KIF1B: variants seen among roughly 807,000 people sequenced by gnomAD.
KIF1B encodes kinesin family member 1B, also known as kinesin-like protein KIF1B.
In KIF1B, 76 loss-of-function variants were observed where a neutral mutation model predicts 241.9. That is an observed-to-expected ratio of 0.31 (90% CI 0.26 to 0.38). The LOEUF (loss-of-function observed/expected upper bound fraction) is 0.38, where lower values mean the gene tolerates loss of function less well. Ranked by LOEUF, KIF1B falls within the 10% of genes least tolerant of loss-of-function variation. The pLI is 1.00. For missense variants in KIF1B, 1,622 were observed against 2,271.4 expected, an observed-to-expected ratio of 0.71 and a Z score of 5.81; for synonymous variants, 750 against 796.7, an observed-to-expected ratio of 0.94 and a Z score of 0.99.
rs1448942188 is a variant in KIF1B at position 10,372,932 on chromosome 1, GCCT to G, written c.4947-1381_4947-1379del. Among the ~76,000 whole-genome samples the G allele has an allele frequency of 5.9e-5, 9 of 151,816 alleles. No homozygotes were observed. The East Asian group carries it at 1.8e-3, about 30-fold the overall frequency. On this transcript the variant is annotated intron_variant, in intron 45 of 48. Coordinates refer to ENST00000676179, the MANE Select transcript of KIF1B (RefSeq NM_001365951.3). The stretch of plus-strand genomic sequence containing the variant: ...AGCTTCAAGTGATTCTCCTGCCTCA[GCCT>G]CCAAAGTAGCTGGGATTACAGGCAC...
chr1:10,307,600 G>A (rs890896739), intron 22 of KIF1B: 9 of 1,008,216 alleles, frequency 8.9e-6, no homozygotes, highest in South Asian at 9.3e-5. Context: ...GTGAGCCACC[G>A]CGCCTGGCCT....
intron 27 of KIF1B, among the ~76,000 whole-genome samples, chr1:10,332,692 T>A (rs900301247): frequency 1.3e-5 from 2 of 151,424 alleles, no homozygotes; most frequent in African/African-American, 4.9e-5. Flanking sequence ...ATTTTTTGTA[T>A]TTTTTGTAGA....
chr1:10,313,802 G>A (rs1393488085), intron 22 of KIF1B, among the ~76,000 whole-genome samples: 1 of 151,334 alleles, frequency 6.6e-6, no homozygotes, highest in East Asian at 1.9e-4. Context: ...TGCCCACCTT[G>A]GCCTCCCAAA....
At chr1:10,214,588 CT>C (rs869065666) in intron 1 of KIF1B, among the ~76,000 whole-genome samples, 104 of 142,656 alleles carry the variant, frequency 7.3e-4, no homozygotes, top group South Asian at 3.6e-3. Context: ...GTGCCCTGCC[CT>C]TTTTTTTTTT....
intron 22 of KIF1B, among the ~76,000 whole-genome samples, chr1:10,314,112 G>A (rs892862090): frequency 1.3e-5 from 2 of 151,128 alleles, no homozygotes; most frequent in South Asian, 2.1e-4. Flanking sequence ...GGCTGGTCTC[G>A]AACTCCTAAC....
chr1:10,363,274 T>C lies in KIF1B; in HGVS notation c.4305-9T>C. On this transcript the variant is annotated splice_polypyrimidine_tract_variant and intron_variant, in intron 40 of 48. Coordinates refer to ENST00000676179, the MANE Select transcript of KIF1B (RefSeq NM_001365951.3). ...GAGATTAAACAATTGTTTTATTTTC[T>C]TCAAATAGGAATCGAGTCACTGGCA... 6.2e-7 allele frequency: 1 copy of C among 1,609,786 alleles called. No homozygotes were observed. The highest frequency in any genetic ancestry group is 8.5e-7 in the Non-Finnish European group (1 of 1,176,056).
intron 2 of KIF1B, among the ~76,000 whole-genome samples, chr1:10,237,626 T>C (rs1647073870): frequency 6.6e-6 from 1 of 152,156 alleles, no homozygotes; most frequent in Admixed American, 6.6e-5. Context: ...ATTATATGTC[T>C]TATAGGCTTT....
chr1:10,227,241 A>G (rs1204195364), intron 1 of KIF1B, among the ~76,000 whole-genome samples: 1 of 151,434 alleles, frequency 6.6e-6, no homozygotes, highest in African/African-American at 2.4e-5. Flanking sequence ...CACCATGTTG[A>G]CCAGGATGGT....
At chr1:10,356,630 G>A (rs565970687) in intron 38 of KIF1B, among the ~76,000 whole-genome samples, 2 of 149,542 alleles carry the variant, frequency 1.3e-5, no homozygotes, top group Admixed American at 6.6e-5. Context: ...GGCCGGGCAC[G>A]GTGGCTCACA....
chr1:10,283,473 G>A (rs538969473), intron 15 of KIF1B, among the ~76,000 whole-genome samples: 6 of 152,286 alleles, frequency 3.9e-5, no homozygotes, highest in Non-Finnish European at 7.3e-5. Flanking sequence ...GCTCTGTCAG[G>A]TTCGATCTTA....
rs533728127 is a variant in KIF1B, at chr1:10,253,792, G to A, written c.107-2455G>A. On this transcript the variant is annotated intron_variant, in intron 2 of 48. Coordinates refer to ENST00000676179, the MANE Select transcript of KIF1B (RefSeq NM_001365951.3). ...GATTACCATTTGCATGTGGAGAGAT[G>A]TTCCTTCTAGAACCATGTCTCCTTG... Among the ~76,000 whole-genome samples, 30 of 152,302 alleles carry A rather than the reference G, an allele frequency of 2.0e-4. No homozygotes were observed. The South Asian group carries it at 6.0e-3, about 31-fold the overall frequency.
chr1:10,215,159 TATATATA>T (rs1646748042), intron 1 of KIF1B, among the ~76,000 whole-genome samples: 2 of 70,310 alleles, frequency 2.8e-5, no homozygotes, highest in African/African-American at 1.8e-4. Flanking sequence ...TATATATATA[TATATATA>T]TATATATTTT....
Position 10,379,502 on chromosome 1 carries a change from G to C in KIF1B, c.*2915G>C. On this transcript the variant is annotated 3_prime_UTR_variant, in exon 49 of 49. Transcript: ENST00000676179. The stretch of plus-strand genomic sequence containing the variant: ...TGCCCGACAGAACCATCCCCACTGT[G>C]AGGCTGTGAGAGATTTGTGGCAGGA... 1 of 231,926 alleles carries C rather than the reference G, an allele frequency of 4.3e-6. No homozygotes were observed. The highest frequency in any genetic ancestry group is 8.5e-6 in the Non-Finnish European group (1 of 117,126). 14.4% of individuals were successfully genotyped at this position (231,926 alleles called of 1,614,324 possible).
intron 1 of KIF1B, among the ~76,000 whole-genome samples, chr1:10,218,928 A>G (rs117489702): frequency 0.014 from 2,107 of 152,294 alleles, 95 homozygotes; most frequent in East Asian, 0.094. Context: ...TGAAGCTATT[A>G]AAATATAAAT....
At chr1:10,242,710 T>A (rs1647154645) in intron 2 of KIF1B, among the ~76,000 whole-genome samples, 1 of 152,008 alleles carries the variant, frequency 6.6e-6, no homozygotes, top group African/African-American at 2.4e-5. Flanking sequence ...AGTGACAGGG[T>A]TTCACCATGT....
At chr1:10,254,604 C>T (rs867092257) in intron 2 of KIF1B, among the ~76,000 whole-genome samples, 47 of 152,144 alleles carry the variant, frequency 3.1e-4, no homozygotes, top group Admixed American at 1.2e-3. Context: ...TGGCCAGGCG[C>T]GGTGGCTCAC....
intron 1 of KIF1B, among the ~76,000 whole-genome samples, chr1:10,225,219 G>A (rs538487454): frequency 2.6e-5 from 4 of 152,136 alleles, no homozygotes; most frequent in African/African-American, 9.7e-5. Context: ...GGTGTGGTGG[G>A]ACATGCCTGT....
chr1:10,215,166 ATATATATTTTTTT>A (rs1467114459), intron 1 of KIF1B, among the ~76,000 whole-genome samples: 4 of 57,630 alleles, frequency 6.9e-5, no homozygotes, highest in South Asian at 5.3e-4. Context: ...ATATATATAT[ATATATATTTTTTT>A]TTTTTTTTTT....
chr1:10,337,533 A>G lies in KIF1B; in HGVS notation c.3422A>G (p.Asn1141Ser), dbSNP rs1416647215. The stretch of plus-strand genomic sequence containing the variant: ...TATGCAGATATCTTCTGTCAGTTCA[A>G]GTAAGCTGCCCCTTTGCTCTGCCTC... The part of the protein sequence containing the change: ...PEYADIFCQF[N>S]FLHRHDEAFS... The change falls in exon 31 of 49, where the codon AAC (asparagine) becomes AGC (serine). Residue 1141 changes from asparagine (N) to serine (S), a missense_variant and splice_region_variant. Around this residue, in one of 7 missense-constraint regions of KIF1B, gnomAD observed 803 missense variants for 1,112.0 expected, o/e 0.72. Coordinates refer to ENST00000676179, the MANE Select transcript of KIF1B (RefSeq NM_001365951.3). The surrounding 1 kb of genome is among the most constrained non-coding windows in gnomAD (Gnocchi z 4.0). 6.2e-7 allele frequency: 1 copy of G among 1,614,200 alleles called. No homozygotes were observed. Among genetic ancestry groups the G allele is most frequent in the Non-Finnish European group, 8.5e-7 (1 of 1,180,034 alleles).
Sources: allele counts gnomAD v4.1 joint callset (sites outside exome capture counted in the v4.1 genomes callset), GRCh38; gene constraint gnomAD v4.1.1; regional missense constraint gnomAD v4.1.1; non-coding constraint Gnocchi (gnomAD v3.1); transcripts MANE v1.5; gene names NCBI Gene and HGNC (gene_info 2026-07-23, HGNC 2026-07-21).